The following NPHP3 variants were observed in gnomAD, a reference collection of about 807,000 sequenced individuals.
NPHP3 encodes the protein nephrocystin 3, also known as nephrocystin-3.
NPHP3 carries 123 observed loss-of-function variants against 171.9 expected under a neutral mutation model. That is an observed-to-expected ratio of 0.72 (90% CI 0.62 to 0.83). The LOEUF (loss-of-function observed/expected upper bound fraction) is 0.83. NPHP3 is among the 40% of genes least tolerant of loss of function. The pLI, the probability that NPHP3 is intolerant of heterozygous loss-of-function variation, is 0.00. For synonymous variants in NPHP3, 558 were observed against 579.2 expected (o/e 0.96, Z 0.52); for missense variants, 1,506 against 1,591.9 (o/e 0.95, Z 0.92).
chr3:132,719,918 ATGT>A, intron 1 of NPHP3, 88 bp from the exon 2 acceptor site: 2 of 443,682 alleles, frequency 4.5e-6, no homozygotes, highest in Non-Finnish European at 6.6e-6. Flanking sequence ...ATATATATAT[ATGT>A]TACGTATCTT....
Position 132,694,829 on chromosome 3 carries a change from G to T in NPHP3, c.2308C>A (p.Gln770Lys), listed in dbSNP as rs954037454. Reference protein sequence around the residue: ...ANDVDKELMKQILCLVNVSHN... With the variant: ...ANDVDKELMKKILCLVNVSHN... ...TTTATAAGTTTATTACATTCTACCT[G>T]CTTCATTAGCTCTTTATCCACATCA... Residue 770 changes from glutamine (Q) to lysine (K), a missense_variant and splice_region_variant, in exon 16 of 27, where the codon CAG becomes AAG. Physicochemically the swap from Gln to Lys is moderately conservative, Grantham distance 53. Transcript: ENST00000337331. The T allele has an allele frequency of 1.5e-5, 24 of 1,612,974 alleles. No homozygotes were observed. The highest frequency in any genetic ancestry group is 1.9e-5 in the Non-Finnish European group (22 of 1,179,832).
intron 5 of NPHP3, among the ~76,000 whole-genome samples, chr3:132,714,563 A>AT (rs200469237): frequency 1.4e-5 from 2 of 147,866 alleles, no homozygotes; most frequent in African/African-American, 5.0e-5. Context: ...GCAAAAAAAA[A>AT]AAATAAATAA....
At chr3:132,687,592 T>G (rs1939194046) in intron 21 of NPHP3, among the ~76,000 whole-genome samples, 1 of 152,212 alleles carries the variant, frequency 6.6e-6, no homozygotes. Context: ...AAAGTCAAAA[T>G]TTCAGTTTTC....
rs545295430 is a variant in NPHP3, at chr3:132,714,162, G to A, written c.958-876C>T. ...ATGGATGATACGTAAACGAATGAGT[G>A]CAGCAATGTTCTAATAAAACTTGAT... On this transcript the variant is annotated intron_variant, in intron 5 of 26. Coordinates refer to ENST00000337331, the MANE Select transcript of NPHP3 (RefSeq NM_153240.5). Among the ~76,000 whole-genome samples the A allele has an allele frequency of 2.4e-4, 36 of 152,342 alleles. No individual in the cohort carries two copies. In the East Asian group the frequency reaches 6.6e-3, roughly 28 times the overall value.
Position 132,719,802 on chromosome 3 carries a change from A to G in NPHP3, c.422T>C (p.Leu141Pro). The change falls in exon 2 of 27, where the codon CTT (leucine) becomes CCT (proline). Residue 141 changes from leucine (L) to proline (P), a missense_variant. Leu to Pro is a moderately conservative substitution (Grantham distance 98). Coordinates refer to ENST00000337331, the MANE Select transcript of NPHP3 (RefSeq NM_153240.5). ...QALQKTYQKI[L>P]REKESALEAK... ...TTCTAAAGCACTTTCTTTTTCTCGA[A>G]GTATCTTCTGATACGTTTTTTGAAG... is the stretch of plus-strand genomic sequence containing the variant. The G allele has an allele frequency of 5.0e-6, 8 of 1,597,870 alleles. No individual in the cohort carries two copies. The highest frequency in any genetic ancestry group is 6.8e-6 in the Non-Finnish European group (8 of 1,170,132).
intron 4 of NPHP3, 94 bp from the exon 5 acceptor site, chr3:132,715,312 T>G (rs17414558): frequency 3.0e-6 from 3 of 999,642 alleles, no homozygotes; most frequent in African/African-American, 1.6e-5. Context: ...CATCATAGAA[T>G]GGAATCTGAT....
chr3:132,719,873 GCTC>G, intron 1 of NPHP3, 43 bp from the exon 2 acceptor site: 1 of 1,402,826 alleles, frequency 7.1e-7, no homozygotes, highest in Non-Finnish European at 9.7e-7. Context: ...AAATAGTCTT[GCTC>G]CTCAATTTTA....
intron 21 of NPHP3, 50 bp from the exon 22 acceptor site, chr3:132,687,276 T>C (rs1939186795): frequency 1.2e-6 from 1 of 835,962 alleles, no homozygotes; most frequent in East Asian, 2.5e-5. Flanking sequence ...ATTCAAAGTA[T>C]ACTTCAGTGA....
intron 23 of NPHP3, chr3:132,686,030 C>A (rs1449970549): frequency 2.5e-4 from 107 of 420,372 alleles, no homozygotes; most frequent in Middle Eastern, 2.1e-3. Context: ...GCCTGGGCAA[C>A]AGAGCGAGAC....
At chr3:132,690,164 T>C (rs1430503587) in intron 19 of NPHP3, among the ~76,000 whole-genome samples, 2 of 152,196 alleles carry the variant, frequency 1.3e-5, no homozygotes, top group African/African-American at 4.8e-5. Flanking sequence ...AGACAGATTC[T>C]ACTTGGACCC....
At position 132,681,873 on chromosome 3, in the gene NPHP3, C is replaced by A; in HGVS notation, c.*37G>T. ...TGTTCCAAATGTTTAATTATTTTGT[C>A]TTAAGGTACATTTGCAAAGAATTCT... On this transcript the variant is annotated 3_prime_UTR_variant, in exon 27 of 27. Coordinates refer to ENST00000337331, the MANE Select transcript of NPHP3 (RefSeq NM_153240.5). 1 of 1,559,990 alleles carries A rather than the reference C, an allele frequency of 6.4e-7. No individual in the cohort carries two copies. Among genetic ancestry groups the A allele is most frequent in the Non-Finnish European group, 8.8e-7 (1 of 1,130,866 alleles).
Position 132,689,111 on chromosome 3 carries a change from A to G in NPHP3, c.2846T>C (p.Leu949Ser). ...GCCTAGATCCTTGAGAAATCGCCCC[A>G]AGGTTTCATAAAGATCAGCTAAGCA... ...MSCLADLYET[L>S]GRFLKDLGLL... The change falls in exon 20 of 27, where the codon TTG (leucine) becomes TCG (serine). Residue 949 changes from leucine (L) to serine (S), a missense_variant. Physicochemically the swap from Leu to Ser is moderately radical, Grantham distance 145. Around this residue, in one of 3 missense-constraint regions of NPHP3, gnomAD observed 569 missense variants for 648.1 expected, o/e 0.88. Coordinates refer to ENST00000337331, the MANE Select transcript of NPHP3 (RefSeq NM_153240.5). 2 of 1,614,114 alleles carry G rather than the reference A, an allele frequency of 1.2e-6. No individual in the cohort carries two copies. Among genetic ancestry groups the G allele is most frequent in the Non-Finnish European group, 1.7e-6 (2 of 1,179,986 alleles).
intron 15 of NPHP3, among the ~76,000 whole-genome samples, chr3:132,695,906 C>T (rs576841063): frequency 6.6e-6 from 1 of 152,230 alleles, no homozygotes; most frequent in South Asian, 2.1e-4. Flanking sequence ...TGCTCTCCAG[C>T]CTGGGCAACA....
chr3:132,691,244 C>T lies in NPHP3; in HGVS notation c.2518G>A (p.Val840Ile), dbSNP rs138865996. The change falls in exon 18 of 27, where the codon GTT becomes ATT. Residue 840 changes from valine to isoleucine, a missense_variant. Coordinates refer to ENST00000337331, the MANE Select transcript of NPHP3 (RefSeq NM_153240.5). ...VRLEYLEGPT[V>I]TSSYRQKLIN... ...AGCTTTTGCCTGTATGAAGAAGTAA[C>T]AGTGGGGCCTTCCAGGTACTCCAAT... 6.2e-7 allele frequency: 1 copy of T among 1,613,422 alleles called. No individual in the cohort carries two copies. The highest frequency in any genetic ancestry group is 1.1e-5 in the South Asian group (1 of 91,064).
intron 8 of NPHP3, among the ~76,000 whole-genome samples, chr3:132,704,723 A>G (rs1018188453): frequency 3.3e-5 from 5 of 152,316 alleles, no homozygotes; most frequent in African/African-American, 9.6e-5. Flanking sequence ...AATATGCTAT[A>G]AGAATTGAAT....
chr3:132,687,022 T>C lies in NPHP3; in HGVS notation c.3201+129A>G, dbSNP rs1470008792. 3 of 599,484 alleles carry C rather than the reference T, an allele frequency of 5.0e-6. No homozygotes were observed. In the African/African-American group the frequency reaches 5.6e-5, roughly 11 times the overall value. The allele number at this position is 599,484 out of a possible 1,614,324, so 37.1% of individuals were successfully genotyped here. Reference sequence around the variant, plus strand: ...TTTTAACACATAAATAAGAAAATGTTAAGTAGTTCTCTTCTAAAAAACTAG... The same window carrying C: ...TTTTAACACATAAATAAGAAAATGTCAAGTAGTTCTCTTCTAAAAAACTAG... On this transcript the variant is annotated intron_variant, in intron 22 of 26. Coordinates refer to ENST00000337331, the MANE Select transcript of NPHP3 (RefSeq NM_153240.5).
intron 6 of NPHP3, among the ~76,000 whole-genome samples, chr3:132,712,610 CA>C (rs1939942266): frequency 6.6e-6 from 1 of 151,900 alleles, no homozygotes; most frequent in Admixed American, 6.6e-5. Flanking sequence ...ACCAAAAATA[CA>C]AAAAATTAGC....
At chr3:132,683,973 A>G (rs1381987744) in intron 24 of NPHP3, among the ~76,000 whole-genome samples, 1 of 152,226 alleles carries the variant, frequency 6.6e-6, no homozygotes, top group Non-Finnish European at 1.5e-5. Context: ...ATGGACCCAC[A>G]AAGTCTAAAG....
chr3:132,712,619 A>G (rs1313142716), intron 6 of NPHP3, among the ~76,000 whole-genome samples: 2 of 152,168 alleles, frequency 1.3e-5, no homozygotes, highest in East Asian at 3.9e-4. Context: ...ACAAAAAATT[A>G]GCCAGGCGTG....
Sources: allele counts gnomAD v4.1 joint callset (sites outside exome capture counted in the v4.1 genomes callset), GRCh38; gene constraint gnomAD v4.1.1; regional missense constraint gnomAD v4.1.1; transcripts MANE v1.5; gene names NCBI Gene and HGNC (gene_info 2026-07-23, HGNC 2026-07-21).